Variants in LIN28B observed in about 807,000 individuals in gnomAD.
The protein encoded by LIN28B is lin-28 RNA binding posttranscriptional regulator B, also known as protein lin-28 homolog B.
LIN28B carries 5 observed loss-of-function variants against 21.9 expected under a neutral mutation model. The observed-to-expected ratio is 0.23, with a 90% CI of 0.12 to 0.48. The LOEUF (loss-of-function observed/expected upper bound fraction) is 0.48. LIN28B is among the 20% of genes least tolerant of loss of function. The pLI, the probability that LIN28B is intolerant of heterozygous loss-of-function variation, is 0.98. For missense variants in LIN28B, 245 were observed against 310.5 expected (o/e 0.79, Z 1.58); for synonymous variants, 109 against 111.3 (o/e 0.98, Z 0.13).
At chr6:104,950,554 T>C in intron 3 of LIN28B, 2 of 1,098,420 alleles carry the variant, frequency 1.8e-6, no homozygotes, top group Non-Finnish European at 2.3e-6. Flanking sequence ...TAATTAATGT[T>C]TTAAAAGATC....
At chr6:104,988,727 C>T (rs1294381313) in intron 2 of LIN28B, among the ~76,000 whole-genome samples, 2 of 152,022 alleles carry the variant, frequency 1.3e-5, no homozygotes. Flanking sequence ...ACAGGTGCTG[C>T]CACCATGTCC....
At chr6:104,988,128 T>C (rs111638584) in intron 2 of LIN28B, among the ~76,000 whole-genome samples, 1 of 152,362 alleles carries the variant, frequency 6.6e-6, no homozygotes, top group Non-Finnish European at 1.5e-5. Context: ...CATCTTTCTC[T>C]TGCTCGCAAC....
At chr6:105,068,650 C>T (rs570553814) in intron 3 of LIN28B, among the ~76,000 whole-genome samples, 56 of 152,256 alleles carry the variant, frequency 3.7e-4, no homozygotes, top group African/African-American at 1.3e-3. Flanking sequence ...AACCAAATGG[C>T]AATTATACTA....
At chr6:104,974,121 T>A (rs955959320) in intron 2 of LIN28B, among the ~76,000 whole-genome samples, 9 of 152,268 alleles carry the variant, frequency 5.9e-5, no homozygotes, top group African/African-American at 2.2e-4. Context: ...TATCAATAGA[T>A]GTAGAAATGT....
chr6:105,043,617 C>T (rs945928088), intron 3 of LIN28B, among the ~76,000 whole-genome samples: 2 of 150,782 alleles, frequency 1.3e-5, no homozygotes, highest in African/African-American at 4.9e-5. Flanking sequence ...CAGGGTCTCA[C>T]TCTCACCCAA....
intron 3 of LIN28B, among the ~76,000 whole-genome samples, chr6:105,070,153 A>G (rs1172641834): frequency 6.6e-6 from 1 of 152,198 alleles, no homozygotes; most frequent in East Asian, 1.9e-4. Context: ...GTAGCTGCAC[A>G]TCACCATCTC....
intron 2 of LIN28B, among the ~76,000 whole-genome samples, chr6:104,938,866 CATG>C (rs936476505): frequency 3.9e-5 from 6 of 151,958 alleles, no homozygotes; most frequent in African/African-American, 1.2e-4. Context: ...AGCATGATGG[CATG>C]ATGATAACTA....
chr6:105,070,212 T>G (rs1220813960), intron 3 of LIN28B, among the ~76,000 whole-genome samples: 1 of 152,146 alleles, frequency 6.6e-6, no homozygotes, highest in Non-Finnish European at 1.5e-5. Flanking sequence ...TCCTCAAAGA[T>G]TCTGGTTTAA....
Position 105,043,106 on chromosome 6 carries a change from T to C in LIN28B, c.383+16624T>C, listed in dbSNP as rs1771669946. Among the ~76,000 whole-genome samples the C allele has an allele frequency of 2.0e-5, 3 of 151,882 alleles. No homozygotes were observed. The South Asian group carries it at 6.2e-4, about 32-fold the overall frequency. ...GAAAATACCTAGGAATAAAGCTTAA[T>C]GAGAGATATACAGAGTCTAAATGAA... On this transcript the variant is annotated intron_variant, in intron 3 of 3. Transcript: ENST00000345080.
upstream of LIN28B, among the ~76,000 whole-genome samples, chr6:104,954,866 CAG>C (rs1283388022): frequency 6.6e-6 from 1 of 152,176 alleles, no homozygotes; most frequent in East Asian, 1.9e-4. Flanking sequence ...TAACAATAAA[CAG>C]ATTCTGAATC....
intron 3 of LIN28B, among the ~76,000 whole-genome samples, chr6:105,029,206 G>A (rs1207691803): frequency 6.6e-6 from 1 of 152,176 alleles, no homozygotes; most frequent in Non-Finnish European, 1.5e-5. Context: ...AATCTTTTGA[G>A]AAGTGTTTCT....
intron 2 of LIN28B, among the ~76,000 whole-genome samples, chr6:104,969,834 C>T (rs1410962694): frequency 1.3e-5 from 2 of 152,168 alleles, no homozygotes; most frequent in African/African-American, 2.4e-5. Flanking sequence ...TAAAGCTTCC[C>T]TGAATTAATA....
At chr6:105,024,261 G>A (rs1056486467) in intron 2 of LIN28B, among the ~76,000 whole-genome samples, 2 of 152,042 alleles carry the variant, frequency 1.3e-5, no homozygotes, top group African/African-American at 4.8e-5. Flanking sequence ...CAAAGTGCTG[G>A]GATTACAGGT....
chr6:105,005,446 G>A lies in LIN28B; in HGVS notation c.199-20852G>A, dbSNP rs138101016. Among the ~76,000 whole-genome samples, 1,068 of 152,182 alleles carry A rather than the reference G, an allele frequency of 7.0e-3. 10 individuals are homozygous for A. Among genetic ancestry groups the A allele is most frequent in the African/African-American group, 0.024 (989 of 41,514 alleles). Reference sequence around the variant, plus strand: ...TTTTCTGTAACTCCTACTGGTGGATGCTTTATTTTAACCTTTTTTACTCTT... The same window carrying A: ...TTTTCTGTAACTCCTACTGGTGGATACTTTATTTTAACCTTTTTTACTCTT... On this transcript the variant is annotated intron_variant, in intron 2 of 3. Coordinates refer to ENST00000345080, the MANE Select transcript of LIN28B (RefSeq NM_001004317.4).
At chr6:104,940,435 AAACGGCGGCAGCGGCCGTGCGCGC>A (rs1778066716) in intron 2 of LIN28B, 1 of 154,888 alleles carries the variant, frequency 6.5e-6, no homozygotes, top group Non-Finnish European at 1.5e-5. Flanking sequence ...CCACCAGAAC[AAACGGCGGCAGCGGCCGTGCGCGC>A]CCACGGCCTG....
chr6:105,004,515 A>G (rs896838887), intron 2 of LIN28B, among the ~76,000 whole-genome samples: 1 of 152,034 alleles, frequency 6.6e-6, no homozygotes, highest in Non-Finnish European at 1.5e-5. Flanking sequence ...ACTGCAGAAA[A>G]TGAGAATTTA....
intron 2 of LIN28B, among the ~76,000 whole-genome samples, chr6:104,998,441 A>G (rs1224633462): frequency 3.9e-5 from 6 of 152,176 alleles, no homozygotes; most frequent in African/African-American, 7.2e-5. Context: ...TTTGTATAAT[A>G]GTTTATTGTT....
chr6:104,938,529 C>T (rs1778039803), intron 2 of LIN28B, among the ~76,000 whole-genome samples: 1 of 151,800 alleles, frequency 6.6e-6, no homozygotes, highest in Non-Finnish European at 1.5e-5. Flanking sequence ...ATCCCAGCTA[C>T]TTAGGAGACT....
In LIN28B at chr6:104,980,903, T is replaced by C. The variant is rs146443047; in HGVS notation, c.198+22617T>C. On this transcript the variant is annotated intron_variant, in intron 2 of 3. Transcript: ENST00000345080. ...TTTATTGCTACTATATATTAAAATA[T>C]ATGCCAAATGCTGTCATATTCTGCC... Among the ~76,000 whole-genome samples, 21 of 152,302 alleles carry C rather than the reference T, an allele frequency of 1.4e-4. No individual in the cohort carries two copies. The East Asian group carries it at 3.9e-3, about 28-fold the overall frequency.
Sources: allele counts gnomAD v4.1 joint callset (sites outside exome capture counted in the v4.1 genomes callset), GRCh38; gene constraint gnomAD v4.1.1; transcripts MANE v1.5; gene names NCBI Gene and HGNC (gene_info 2026-07-23, HGNC 2026-07-21).